PRKCE: variants seen among roughly 807,000 people sequenced by gnomAD.
PRKCE encodes the protein protein kinase C epsilon type.
Under a neutral mutation model 85.4 loss-of-function variants are expected in PRKCE, and 16 were observed. The observed-to-expected ratio is 0.19, with a 90% CI of 0.13 to 0.28. The LOEUF (loss-of-function observed/expected upper bound fraction) is 0.28. Among genes scored for constraint, PRKCE ranks in the 10% least tolerant of loss-of-function variants. The probability of loss-of-function intolerance (pLI) is 1.00; values close to 1 mark genes in which losing one functional copy is unlikely to be tolerated. For synonymous variants in PRKCE, 388 were observed against 371.5 expected (o/e 1.04, Z -0.51); for missense variants, 573 against 975.2 (o/e 0.59, Z 5.49).
chr2:45,659,607 G>T (rs1196789059), intron 1 of PRKCE, among the ~76,000 whole-genome samples: 1 of 152,100 alleles, frequency 6.6e-6, no homozygotes, highest in Non-Finnish European at 1.5e-5. Flanking sequence ...TCTTCTCCCT[G>T]TTCATTCCTC....
chr2:45,988,539 C>T (rs917062738), intron 6 of PRKCE, among the ~76,000 whole-genome samples: 4 of 152,308 alleles, frequency 2.6e-5, no homozygotes, highest in African/African-American at 9.6e-5. Context: ...CTTTGCAGCC[C>T]ACAGCCACAG....
At chr2:45,828,277 A>G (rs1159079409) in intron 1 of PRKCE, among the ~76,000 whole-genome samples, 1 of 152,254 alleles carries the variant, frequency 6.6e-6, no homozygotes, top group African/African-American at 2.4e-5. Flanking sequence ...AACTCTATTG[A>G]TAATCCCAAC....
chr2:45,895,458 G>T lies in PRKCE; in HGVS notation c.412+52395G>T, dbSNP rs1438145899. Among the ~76,000 whole-genome samples the T allele has an allele frequency of 6.6e-6, 1 of 152,216 alleles. No homozygotes were observed. The highest frequency in any genetic ancestry group is 6.5e-5 in the Admixed American group (1 of 15,288). ...ATCTGGCTGGTCCCTGGATGGTGGG[G>T]ATACATGGTACAGCCACCCAAGGCA... is the stretch of plus-strand genomic sequence containing the variant. On this transcript the variant is annotated intron_variant, in intron 2 of 14. Coordinates refer to ENST00000306156, the MANE Select transcript of PRKCE (RefSeq NM_005400.3). This position sits in a 1 kb window ranked among gnomAD's most constrained non-coding sequence, Gnocchi z 4.8.
At chr2:45,657,774 G>A (rs1436444689) in intron 1 of PRKCE, among the ~76,000 whole-genome samples, 2 of 152,182 alleles carry the variant, frequency 1.3e-5, no homozygotes, top group African/African-American at 2.4e-5. Flanking sequence ...CCTATACCCT[G>A]TTTGGACTCT....
chr2:45,704,530 T>A (rs1269194853), intron 1 of PRKCE, among the ~76,000 whole-genome samples: 1 of 152,220 alleles, frequency 6.6e-6, no homozygotes, highest in Non-Finnish European at 1.5e-5. Context: ...AGCCCAGTGT[T>A]AAAGTGTCAT....
intron 2 of PRKCE, among the ~76,000 whole-genome samples, chr2:45,896,791 T>C (rs764871473): frequency 4.6e-5 from 7 of 152,132 alleles, no homozygotes; most frequent in African/African-American, 7.2e-5. Flanking sequence ...CAAGGACATA[T>C]GAGAAAATGA....
At chr2:45,783,260 A>C (rs550627777) in intron 1 of PRKCE, among the ~76,000 whole-genome samples, 2 of 152,174 alleles carry the variant, frequency 1.3e-5, no homozygotes, top group Non-Finnish European at 2.9e-5. Flanking sequence ...CCAAATACTC[A>C]GGGTTTTCTT....
intron 1 of PRKCE, among the ~76,000 whole-genome samples, chr2:45,825,758 T>G (rs1278602570): frequency 6.6e-6 from 1 of 152,074 alleles, no homozygotes; most frequent in Non-Finnish European, 1.5e-5. Context: ...CATGGTGGCA[T>G]GCACCTGTAG....
chr2:46,130,351 C>T (rs915051987), intron 11 of PRKCE, among the ~76,000 whole-genome samples: 1 of 151,508 alleles, frequency 6.6e-6, no homozygotes, highest in African/African-American at 2.4e-5. Context: ...TATACTTTAT[C>T]ATACATACTT....
rs528036808 is a variant in PRKCE at position 46,185,793 on chromosome 2, G to A, written c.*912G>A. ...ATTCAAGTTCTACCTGGACACAAAG[G>A]CGAGGACCCTGGGGTTCCAACAAAG... On this transcript the variant is annotated 3_prime_UTR_variant, in exon 15 of 15. Transcript: ENST00000306156. The surrounding 1 kb of genome is among the most constrained non-coding windows in gnomAD (Gnocchi z 4.7). The A allele has an allele frequency of 5.9e-5, 9 of 152,288 alleles. No individual in the cohort carries two copies. The South Asian group carries it at 1.9e-3, about 32-fold the overall frequency. The allele number at this position is 152,288 out of a possible 1,614,324, so 9.4% of individuals were successfully genotyped here.
intron 5 of PRKCE, among the ~76,000 whole-genome samples, chr2:45,983,940 T>A (rs1574114266): frequency 6.7e-6 from 1 of 148,752 alleles, no homozygotes; most frequent in Admixed American, 6.7e-5. Flanking sequence ...AGGTACAATT[T>A]TTTTTTTTTT....
At chr2:45,703,601 C>CT (rs1172260979) in intron 1 of PRKCE, among the ~76,000 whole-genome samples, 2 of 151,480 alleles carry the variant, frequency 1.3e-5, no homozygotes, top group African/African-American at 2.4e-5. Context: ...GTAGAGGCAC[C>CT]TTTTTTTTGG....
At chr2:45,717,875 C>G (rs1372393744) in intron 1 of PRKCE, among the ~76,000 whole-genome samples, 1 of 152,216 alleles carries the variant, frequency 6.6e-6, no homozygotes, top group Non-Finnish European at 1.5e-5. Context: ...CGGGTCTACT[C>G]TCTGGGTAAC....
chr2:46,135,249 C>A (rs1323436472), intron 11 of PRKCE, among the ~76,000 whole-genome samples: 1 of 152,190 alleles, frequency 6.6e-6, no homozygotes, highest in Non-Finnish European at 1.5e-5. Context: ...GAGTTAGAAA[C>A]AACCACCACC....
At chr2:45,900,846 G>T (rs1696524417) in intron 2 of PRKCE, among the ~76,000 whole-genome samples, 1 of 152,132 alleles carries the variant, frequency 6.6e-6, no homozygotes, top group South Asian at 2.1e-4. Context: ...TATGATTTTG[G>T]GATACAGGAT....
intron 1 of PRKCE, among the ~76,000 whole-genome samples, chr2:45,729,701 G>A (rs909640648): frequency 1.3e-5 from 2 of 152,158 alleles, no homozygotes; most frequent in African/African-American, 4.8e-5. Context: ...TTTTAAGTTT[G>A]AGCAGAAAAT....
chr2:45,877,648 A>G (rs1694578248), intron 2 of PRKCE, among the ~76,000 whole-genome samples: 1 of 152,098 alleles, frequency 6.6e-6, no homozygotes, highest in Non-Finnish European at 1.5e-5. Flanking sequence ...CTAAACTTTA[A>G]AAAAAATTCT....
chr2:45,843,804 A>T (rs1455808332), intron 2 of PRKCE, among the ~76,000 whole-genome samples: 2 of 152,200 alleles, frequency 1.3e-5, no homozygotes. Flanking sequence ...AAATGTAGTT[A>T]TTGTGGCCTT....
intron 11 of PRKCE, among the ~76,000 whole-genome samples, chr2:46,116,614 C>A (rs1016751256): frequency 3.9e-5 from 6 of 152,100 alleles, no homozygotes; most frequent in Non-Finnish European, 8.8e-5. Flanking sequence ...GGGATTTGGT[C>A]TGTGTAGCCT....
Sources: gnomAD v4.1 joint callset for allele counts (sites outside exome capture counted in the v4.1 genomes callset) on GRCh38, gnomAD v4.1.1 for gene constraint, Gnocchi (gnomAD v3.1) non-coding constraint, MANE v1.5 for transcripts, NCBI Gene and HGNC (gene_info 2026-07-23, HGNC 2026-07-21) for gene names.